COMMD10: variants seen among roughly 807,000 people sequenced by gnomAD.
COMMD10 encodes the protein COMM domain containing 10.
A neutral mutation model predicts 28.9 loss-of-function variants in COMMD10; 33 were observed. That is an observed-to-expected ratio of 1.14 (90% CI 0.87 to 1.53). The LOEUF (loss-of-function observed/expected upper bound fraction) is 1.53. Among genes scored for constraint, COMMD10 ranks in the 40% most tolerant of loss-of-function variants. The probability of loss-of-function intolerance (pLI) is 0.00; values close to 1 mark genes in which losing one functional copy is unlikely to be tolerated. For missense variants in COMMD10, 310 were observed against 233.4 expected, an observed-to-expected ratio of 1.33 and a Z score of -2.14; for synonymous variants, 110 against 81.7, an observed-to-expected ratio of 1.35 and a Z score of -1.87.
chr5:116,170,245 C>T (rs1465391255), intron 5 of COMMD10, among the ~76,000 whole-genome samples: 2 of 152,070 alleles, frequency 1.3e-5, no homozygotes, highest in African/African-American at 4.8e-5. Flanking sequence ...ACAATTGCTA[C>T]AGAGAGAACA....
chr5:116,167,615 C>G (rs1753173982), intron 5 of COMMD10, among the ~76,000 whole-genome samples: 1 of 152,048 alleles, frequency 6.6e-6, no homozygotes, highest in Admixed American at 6.6e-5. Context: ...GGAAGCCCAT[C>G]AGACTAACAG....
chr5:116,159,803 G>C (rs922721238), intron 5 of COMMD10, among the ~76,000 whole-genome samples: 3 of 152,170 alleles, frequency 2.0e-5, no homozygotes, highest in Admixed American at 1.3e-4. Context: ...GGAATGCATG[G>C]TCTGGGTAAA....
chr5:116,097,979 T>C lies in COMMD10; in HGVS notation c.399+5279T>C, dbSNP rs138013803. 9.9e-5 allele frequency among the ~76,000 whole-genome samples: 15 copies of C among 152,264 alleles called. No individual in the cohort carries two copies. In the East Asian group the frequency reaches 2.9e-3, roughly 29 times the overall value. ...CCACCTCCAACACTGGAGATTACAA[T>C]TGCACATGAGATTTGTTGTGGTCAC... On this transcript the variant is annotated intron_variant, in intron 4 of 6. Coordinates refer to ENST00000274458, the MANE Select transcript of COMMD10 (RefSeq NM_016144.4).
intron 5 of COMMD10, among the ~76,000 whole-genome samples, chr5:116,223,432 C>T (rs79692762): frequency 0.092 from 13,961 of 152,062 alleles, 890 homozygotes; most frequent in Non-Finnish European, 0.14. Flanking sequence ...TACTCAGCTC[C>T]AAATTAGGTA....
chr5:116,275,602 G>C (rs916672977), intron 5 of COMMD10, among the ~76,000 whole-genome samples: 1 of 151,642 alleles, frequency 6.6e-6, no homozygotes, highest in Non-Finnish European at 1.5e-5. Context: ...CGTGTTGCTC[G>C]TAAATCTATG....
rs73259050 is a variant in COMMD10, at chr5:116,229,390, A to G, written c.511-62127A>G. On this transcript the variant is annotated intron_variant, in intron 5 of 6. Coordinates refer to ENST00000274458, the MANE Select transcript of COMMD10 (RefSeq NM_016144.4). ...CAACATTGATTGAGTAAATAAAAAG[A>G]TCGAATTTACCTTCTTCTGGCAAGG... is the stretch of plus-strand genomic sequence containing the variant. Among the ~76,000 whole-genome samples, 743 of 152,144 alleles carry G rather than the reference A, an allele frequency of 4.9e-3. 11 individuals are homozygous for G. The highest frequency in any genetic ancestry group is 0.017 in the African/African-American group (696 of 41,520).
intron 5 of COMMD10, among the ~76,000 whole-genome samples, chr5:116,161,988 A>T (rs1368242513): frequency 1.3e-5 from 2 of 152,194 alleles, no homozygotes; most frequent in East Asian, 3.8e-4. Context: ...TTTCTCCCTC[A>T]TGTTAATGAT....
chr5:116,166,264 T>C (rs1753093720), intron 5 of COMMD10, among the ~76,000 whole-genome samples: 1 of 152,180 alleles, frequency 6.6e-6, no homozygotes, highest in African/African-American at 2.4e-5. Context: ...ACAATGTTCC[T>C]TTTTCTATTA....
intron 4 of COMMD10, among the ~76,000 whole-genome samples, chr5:116,109,737 G>A (rs1461245733): frequency 6.6e-6 from 1 of 152,144 alleles, no homozygotes; most frequent in African/African-American, 2.4e-5. Context: ...TTTGTGTTGT[G>A]CAGCTTTACT....
At chr5:116,282,760 A>G (rs759335742) in intron 5 of COMMD10, among the ~76,000 whole-genome samples, 1 of 151,778 alleles carries the variant, frequency 6.6e-6, no homozygotes, top group Non-Finnish European at 1.5e-5. Context: ...CTTATTAGGG[A>G]TACCATTCAT....
chr5:116,291,551 A>T lies in COMMD10; in HGVS notation c.545A>T (p.Lys182Met), dbSNP rs1038535223. ...AAAGTTCTTGTGGAATTCAGTCACAAGGAGTTGTTTGATTTCTATAACAAG... is the reference window on the plus strand; with the variant it reads ...AAAGTTCTTGTGGAATTCAGTCACATGGAGTTGTTTGATTTCTATAACAAG... The part of the protein sequence containing the change: ...LEKVLVEFSH[K>M]ELFDFYNKLE... Residue 182 changes from lysine (K) to methionine (M), a missense_variant, in exon 6 of 7, where the codon AAG becomes ATG. Physicochemically the swap from Lys to Met is moderately conservative, Grantham distance 95. Transcript: ENST00000274458. 6.2e-6 allele frequency: 10 copies of T among 1,600,732 alleles called. No individual in the cohort carries two copies. The African/African-American group carries it at 1.2e-4, about 19-fold the overall frequency.
At chr5:116,242,297 T>C (rs1052133225) in intron 5 of COMMD10, among the ~76,000 whole-genome samples, 6 of 152,220 alleles carry the variant, frequency 3.9e-5, no homozygotes, top group Non-Finnish European at 8.8e-5. Context: ...TATGATGATA[T>C]GGTAGACAAA....
At chr5:116,162,585 TTTTATC>T (rs1223312288) in intron 5 of COMMD10, among the ~76,000 whole-genome samples, 1 of 152,134 alleles carries the variant, frequency 6.6e-6, no homozygotes, top group Non-Finnish European at 1.5e-5. Context: ...GATTTTCTCT[TTTTATC>T]ATTTATCATT....
At chr5:116,117,105 G>T (rs973903752) in intron 4 of COMMD10, among the ~76,000 whole-genome samples, 37 of 152,068 alleles carry the variant, frequency 2.4e-4, no homozygotes, top group Middle Eastern at 3.4e-3. Context: ...ACATTTATTA[G>T]TAATTCTTTT....
At chr5:116,147,196 C>A (rs556288259) in intron 5 of COMMD10, among the ~76,000 whole-genome samples, 27 of 151,892 alleles carry the variant, frequency 1.8e-4, no homozygotes, top group African/African-American at 6.3e-4. Flanking sequence ...GGTTAGTGCA[C>A]AAGGAACAGT....
At chr5:116,193,189 C>T (rs1156764612) in intron 5 of COMMD10, among the ~76,000 whole-genome samples, 1 of 152,110 alleles carries the variant, frequency 6.6e-6, no homozygotes, top group African/African-American at 2.4e-5. Flanking sequence ...ATCCTGGAAA[C>T]ACATTAAAAC....
intron 5 of COMMD10, among the ~76,000 whole-genome samples, chr5:116,206,578 G>A (rs759043602): frequency 2.0e-5 from 3 of 152,000 alleles, no homozygotes; most frequent in African/African-American, 4.8e-5. Context: ...CTTGAATCCG[G>A]GAGGCAGAGA....
intron 5 of COMMD10, among the ~76,000 whole-genome samples, chr5:116,282,597 AAAC>A (rs1269713009): frequency 6.6e-6 from 1 of 151,938 alleles, no homozygotes; most frequent in Non-Finnish European, 1.5e-5. Context: ...GAGGTAGCTT[AAAC>A]AACAGAAAAT....
intron 5 of COMMD10, among the ~76,000 whole-genome samples, chr5:116,255,254 T>C (rs544331397): frequency 3.3e-5 from 5 of 151,920 alleles, no homozygotes; most frequent in Admixed American, 3.3e-4. Context: ...CTTTATCCAA[T>C]TTGCCAGTCT....
Sources: allele counts gnomAD v4.1 joint callset (sites outside exome capture counted in the v4.1 genomes callset), GRCh38; gene constraint gnomAD v4.1.1; transcripts MANE v1.5; gene names NCBI Gene and HGNC (gene_info 2026-07-23, HGNC 2026-07-21).